The following DYNC1I1 variants were observed in gnomAD, a reference collection of about 807,000 sequenced individuals.
DYNC1I1 encodes the protein dynein cytoplasmic 1 intermediate chain 1, also known as cytoplasmic dynein 1 intermediate chain 1.
DYNC1I1 carries 43 observed loss-of-function variants against 86.6 expected under a neutral mutation model. The ratio of observed to expected loss-of-function variants is 0.50; its 90% CI spans 0.39 to 0.64. The LOEUF (loss-of-function observed/expected upper bound fraction) is 0.64. Among genes scored for constraint, DYNC1I1 ranks in the 30% least tolerant of loss-of-function variants. The pLI is 0.00. For synonymous variants in DYNC1I1, 262 were observed against 283.7 expected (o/e 0.92, Z 0.77); for missense variants, 604 against 788.8 (o/e 0.77, Z 2.81).
At chr7:95,858,429 T>G (rs1390338292) in intron 5 of DYNC1I1, among the ~76,000 whole-genome samples, 1 of 152,162 alleles carries the variant, frequency 6.6e-6, no homozygotes, top group Non-Finnish European at 1.5e-5. Context: ...GTAAACTTTT[T>G]TTAATAAGTA....
At chr7:96,094,065 C>T (rs1378328139) in intron 16 of DYNC1I1, among the ~76,000 whole-genome samples, 4 of 152,124 alleles carry the variant, frequency 2.6e-5, no homozygotes, top group Non-Finnish European at 5.9e-5. Flanking sequence ...TTAGGCTATT[C>T]ACTTTTTAAT....
At chr7:95,859,155 T>C (rs1789807095) in intron 5 of DYNC1I1, among the ~76,000 whole-genome samples, 2 of 151,560 alleles carry the variant, frequency 1.3e-5, no homozygotes, top group Non-Finnish European at 2.9e-5. Context: ...TTTTTGTTTG[T>C]TTTTTTAAAA....
chr7:95,882,333 G>A (rs541863885), intron 6 of DYNC1I1, among the ~76,000 whole-genome samples: 11 of 152,280 alleles, frequency 7.2e-5, no homozygotes, highest in Admixed American at 5.2e-4. Flanking sequence ...CAATGTTCTT[G>A]CCAAAACCGG....
intron 5 of DYNC1I1, among the ~76,000 whole-genome samples, chr7:95,867,235 TA>T: frequency 6.6e-6 from 1 of 152,292 alleles, no homozygotes; most frequent in East Asian, 1.9e-4. Context: ...TTTACAAATA[TA>T]AACATTATTA....
chr7:95,785,185 G>A (rs1794095950), intron 1 of DYNC1I1, among the ~76,000 whole-genome samples: 1 of 152,164 alleles, frequency 6.6e-6, no homozygotes, highest in African/African-American at 2.4e-5. Context: ...GCTGAGGCAG[G>A]TAGATTGCTT....
chr7:95,989,665 G>A (rs549080021), intron 9 of DYNC1I1, among the ~76,000 whole-genome samples: 3 of 152,182 alleles, frequency 2.0e-5, no homozygotes, highest in South Asian at 2.1e-4. Context: ...ACAGGGTCTC[G>A]CATGATGTTT....
chr7:96,065,341 CT>C (rs1268732497), intron 14 of DYNC1I1, among the ~76,000 whole-genome samples: 3 of 151,232 alleles, frequency 2.0e-5, no homozygotes, highest in Non-Finnish European at 4.4e-5. Context: ...CCTCCTTCTT[CT>C]CCATCCTCCC....
chr7:95,960,247 C>T (rs1018749641), intron 6 of DYNC1I1, among the ~76,000 whole-genome samples: 3 of 152,158 alleles, frequency 2.0e-5, no homozygotes, highest in Non-Finnish European at 4.4e-5. Flanking sequence ...GCTGGGATTA[C>T]AGGCGGACAC....
chr7:96,014,361 G>A (rs1437102953), intron 10 of DYNC1I1, among the ~76,000 whole-genome samples: 2 of 152,174 alleles, frequency 1.3e-5, no homozygotes, highest in Non-Finnish European at 2.9e-5. Flanking sequence ...TCTCCCAGCA[G>A]ACATGTAAGG....
rs1793862862 is a variant in DYNC1I1, at chr7:95,996,152, T to C, written c.969+79T>C. ...TTTGTGCTGCATTGCATCTGTCTTA[T>C]GCTGAGAGGAAGAACTCAGTTTAAA... On this transcript the variant is annotated intron_variant, in intron 10 of 16. Transcript: ENST00000447467. 2.5e-6 allele frequency: 4 copies of C among 1,581,354 alleles called. No homozygotes were observed. In the South Asian group the frequency reaches 3.5e-5, roughly 14 times the overall value.
chr7:95,798,017 T>A (rs1474115048), intron 1 of DYNC1I1, among the ~76,000 whole-genome samples: 1 of 152,204 alleles, frequency 6.6e-6, no homozygotes, highest in Non-Finnish European at 1.5e-5. Flanking sequence ...GTTGTTATTT[T>A]AAAATAATTA....
At chr7:95,985,457 T>G (rs1425695153) in intron 8 of DYNC1I1, among the ~76,000 whole-genome samples, 2 of 152,158 alleles carry the variant, frequency 1.3e-5, no homozygotes, top group Non-Finnish European at 2.9e-5. Context: ...TATATGCCTT[T>G]TAGGAAACAT....
chr7:95,846,310 C>A (rs1789424050), intron 5 of DYNC1I1, among the ~76,000 whole-genome samples: 1 of 152,082 alleles, frequency 6.6e-6, no homozygotes, highest in African/African-American at 2.4e-5. Flanking sequence ...TATTTTGATT[C>A]TTCTCTCATC....
At chr7:95,992,818 T>C (rs1793764789) in intron 9 of DYNC1I1, among the ~76,000 whole-genome samples, 1 of 152,128 alleles carries the variant, frequency 6.6e-6, no homozygotes, top group African/African-American at 2.4e-5. Context: ...TTTCACCATG[T>C]TGGCAAGGCT....
At chr7:95,823,256 TG>T (rs2115897660) in intron 4 of DYNC1I1, among the ~76,000 whole-genome samples, 1 of 152,176 alleles carries the variant, frequency 6.6e-6, no homozygotes, top group South Asian at 2.1e-4. Flanking sequence ...CCAGGTCAAA[TG>T]GAATCTCTAA....
chr7:95,977,630 C>A (rs1156982075), intron 7 of DYNC1I1, 29 bp downstream of exon 7: 1 of 1,594,342 alleles, frequency 6.3e-7, no homozygotes, highest in Non-Finnish European at 8.6e-7. Context: ...ACTGAGTAAT[C>A]ATTTTATTGT....
At chr7:95,774,659 C>G (rs949668305) in intron 1 of DYNC1I1, among the ~76,000 whole-genome samples, 5 of 152,172 alleles carry the variant, frequency 3.3e-5, no homozygotes, top group African/African-American at 1.2e-4. Flanking sequence ...TAGGGTCTTT[C>G]TTCCCAATCC....
intron 6 of DYNC1I1, among the ~76,000 whole-genome samples, chr7:95,904,649 A>T (rs541691923): frequency 6.6e-6 from 1 of 152,278 alleles, no homozygotes; most frequent in South Asian, 2.1e-4. Context: ...ATACACATAT[A>T]CACATGCACA....
Position 95,785,777 on chromosome 7 carries a change from A to ATGTG in DYNC1I1, c.-10+13005_-10+13006insGTGT, listed in dbSNP as rs1222420425. ...TATGTATATATATGTGTGTATGTGT[A>ATGTG]TATATATATATATATATATATATAT... On this transcript the variant is annotated intron_variant, in intron 1 of 16. Coordinates refer to ENST00000447467, the MANE Select transcript of DYNC1I1 (RefSeq NM_001135556.2). Among the ~76,000 whole-genome samples the ATGTG allele has an allele frequency of 4.5e-4, 7 of 15,482 alleles. No individual in the cohort carries two copies. The East Asian group carries it at 7.3e-3, about 16-fold the overall frequency. The allele number at this position is 15,482 out of a possible 152,430, so 10.2% of individuals were successfully genotyped here.
Sources: gnomAD v4.1 joint callset for allele counts (sites outside exome capture counted in the v4.1 genomes callset) on GRCh38, gnomAD v4.1.1 for gene constraint, MANE v1.5 for transcripts, NCBI Gene and HGNC (gene_info 2026-07-23, HGNC 2026-07-21) for gene names.